ATR: variants seen among roughly 807,000 people sequenced by gnomAD.
ATR encodes serine/threonine-protein kinase ATR.
In ATR, 142 loss-of-function variants were observed where a neutral mutation model predicts 305.3. The ratio of observed to expected loss-of-function variants is 0.47; its 90% CI spans 0.41 to 0.53. The LOEUF (loss-of-function observed/expected upper bound fraction) is 0.53. ATR is among the 20% of genes least tolerant of loss of function. The pLI is 0.00. For synonymous variants in ATR, 1,050 were observed against 1,068.1 expected, an observed-to-expected ratio of 0.98 and a Z score of 0.33; for missense variants, 2,135 against 3,133.1, an observed-to-expected ratio of 0.68 and a Z score of 7.60.
At chr3:142,564,247 T>C (rs565225420) in intron 3 of ATR, among the ~76,000 whole-genome samples, 1 of 152,350 alleles carries the variant, frequency 6.6e-6, no homozygotes, top group Non-Finnish European at 1.5e-5. Flanking sequence ...TTTATTGCAA[T>C]ATTCACTTTA....
chr3:142,452,367 TCTAA>T, intron 46 of ATR: 3 of 987,362 alleles, frequency 3.0e-6, no homozygotes, highest in Non-Finnish European at 3.6e-6. Flanking sequence ...CTCAATCTAT[TCTAA>T]CTTATTAAAA....
Position 142,563,122 on chromosome 3 carries a change from C to T in ATR, c.293-13G>A. The T allele has an allele frequency of 6.3e-7, 1 of 1,593,428 alleles. No homozygotes were observed. Among genetic ancestry groups the T allele is most frequent in the East Asian group, 2.2e-5 (1 of 44,784 alleles). ...CAATTACTGAATTCTTTGAAATAAA[C>T]AAAAAAGATATTAAATAAACAAGTA... is the stretch of plus-strand genomic sequence containing the variant. On this transcript the variant is annotated splice_polypyrimidine_tract_variant and intron_variant, in intron 3 of 46. Transcript: ENST00000350721.
intron 16 of ATR, among the ~76,000 whole-genome samples, chr3:142,543,536 T>G (rs181209874): frequency 1.0e-4 from 15 of 144,972 alleles, no homozygotes; most frequent in African/African-American, 2.3e-4. Context: ...CCTCTTTTAC[T>G]TAAACAGGGT....
chr3:142,497,903 C>T (rs1427485727), intron 32 of ATR, among the ~76,000 whole-genome samples: 2 of 152,164 alleles, frequency 1.3e-5, no homozygotes, highest in East Asian at 1.9e-4. Context: ...CTAGCTTTTT[C>T]CCCCTTGTAT....
chr3:142,493,515 AG>A (rs1271198450), intron 34 of ATR, among the ~76,000 whole-genome samples: 3 of 152,194 alleles, frequency 2.0e-5, no homozygotes, highest in Admixed American at 1.3e-4. Flanking sequence ...TTATAACTGC[AG>A]TTGGCTCTCT....
intron 1 of ATR, among the ~76,000 whole-genome samples, chr3:142,576,165 T>G (rs2035431201): frequency 1.3e-5 from 2 of 152,192 alleles, no homozygotes; most frequent in African/African-American, 4.8e-5. Flanking sequence ...TTGTCAGAAC[T>G]AACTTATGGA....
intron 16 of ATR, among the ~76,000 whole-genome samples, chr3:142,543,558 TTCC>T (rs972445622): frequency 9.2e-5 from 14 of 151,674 alleles, no homozygotes; most frequent in African/African-American, 3.4e-4. Context: ...CCTTCCTTCC[TTCC>T]TCCCTCCCTC....
At chr3:142,508,421 A>G (rs538518574) in intron 27 of ATR, among the ~76,000 whole-genome samples, 41 of 152,308 alleles carry the variant, frequency 2.7e-4, no homozygotes, top group African/African-American at 9.6e-4. Context: ...ATATCAATCT[A>G]TTATTAAATT....
At chr3:142,571,038 A>T (rs2035241793) in intron 1 of ATR, among the ~76,000 whole-genome samples, 1 of 152,184 alleles carries the variant, frequency 6.6e-6, no homozygotes, top group Non-Finnish European at 1.5e-5. Context: ...CAGGAGGGTA[A>T]CTCTTTCATA....
chr3:142,550,882 G>T (rs2034447326), intron 13 of ATR, among the ~76,000 whole-genome samples: 1 of 151,970 alleles, frequency 6.6e-6, no homozygotes, highest in Non-Finnish European at 1.5e-5. Flanking sequence ...CCACCTCCTG[G>T]GTTCAGGCGA....
intron 19 of ATR, among the ~76,000 whole-genome samples, chr3:142,536,821 T>G (rs1310507408): frequency 6.6e-6 from 1 of 152,196 alleles, no homozygotes; most frequent in East Asian, 1.9e-4. Context: ...TACTAGGTTT[T>G]GGAGTGATTT....
At chr3:142,539,013 T>C (rs1392741000) in intron 18 of ATR, among the ~76,000 whole-genome samples, 3 of 152,176 alleles carry the variant, frequency 2.0e-5, no homozygotes, top group African/African-American at 7.2e-5. Flanking sequence ...AAATGTTTTA[T>C]ATAACTTTTA....
Position 142,498,706 on chromosome 3 carries a change from T to C in ATR, c.5449A>G (p.Thr1817Ala). 1 of 1,614,142 alleles carries C rather than the reference T, an allele frequency of 6.2e-7. No individual in the cohort carries two copies. Among genetic ancestry groups the C allele is most frequent in the Non-Finnish European group, 8.5e-7 (1 of 1,179,990 alleles). ...AGTTTCAGTGAGTCATAAAAAGCTG[T>C]GATATCTCTTTTTTTGGCTGATAAT... ...LLLSAKKRDITAFYDSLKLVR... is the reference protein window; with the variant it reads ...LLLSAKKRDIAAFYDSLKLVR... Residue 1817 changes from threonine to alanine, a missense_variant, in exon 32 of 47, where the codon ACA becomes GCA. Thr to Ala is a moderately conservative substitution (Grantham distance 58). Around this residue, in one of 9 missense-constraint regions of ATR, gnomAD observed 117 missense variants for 198.3 expected, o/e 0.59. Coordinates refer to ENST00000350721, the MANE Select transcript of ATR (RefSeq NM_001184.4).
At chr3:142,575,841 G>C (rs1341026105) in intron 1 of ATR, among the ~76,000 whole-genome samples, 3 of 152,210 alleles carry the variant, frequency 2.0e-5, no homozygotes, top group African/African-American at 7.2e-5. Context: ...AAGCAAAAGA[G>C]GGATAAAAGG....
chr3:142,502,476 G>A (rs562314247), intron 30 of ATR, among the ~76,000 whole-genome samples: 124 of 152,014 alleles, frequency 8.2e-4, no homozygotes, highest in South Asian at 1.7e-3. Flanking sequence ...GGGTGGGGGA[G>A]GGAGGGAGGC....
In ATR at chr3:142,558,732, T is replaced by C. The variant is rs2034773915; in HGVS notation, c.1777A>G (p.Met593Val). The change falls in exon 8 of 47, where the codon ATG becomes GTG. Residue 593 changes from methionine to valine, a missense_variant. Met to Val is a conservative substitution (Grantham distance 21). Coordinates refer to ENST00000350721, the MANE Select transcript of ATR (RefSeq NM_001184.4). ...EDHILEDLCG[M>V]LSLPWIYSHS... ...GAATAAATCCATGGAAGTGAGAGCA[T>C]ACCACATAAATCTTCCAGGATATGA... is the stretch of plus-strand genomic sequence containing the variant. 1.9e-6 allele frequency: 3 copies of C among 1,612,456 alleles called. No homozygotes were observed. The highest frequency in any genetic ancestry group is 2.5e-6 in the Non-Finnish European group (3 of 1,178,856).
chr3:142,456,665 C>A (rs900170540), intron 45 of ATR, among the ~76,000 whole-genome samples: 11 of 151,970 alleles, frequency 7.2e-5, no homozygotes, highest in Non-Finnish European at 1.2e-4. Flanking sequence ...AAATGGCCAA[C>A]AAAGACATGA....
chr3:142,540,788 C>G (rs1188306754), intron 18 of ATR, 116 bp downstream of exon 18: 1 of 1,248,498 alleles, frequency 8.0e-7, no homozygotes, highest in Non-Finnish European at 1.1e-6. Context: ...AATAAATAGT[C>G]TTTCTACCTT....
At chr3:142,460,334 TG>T (rs2070997810) in intron 42 of ATR, among the ~76,000 whole-genome samples, 1 of 152,198 alleles carries the variant, frequency 6.6e-6, no homozygotes, top group African/African-American at 2.4e-5. Flanking sequence ...TCTTGGTACC[TG>T]GGAATGTGAG....
Sources: allele counts gnomAD v4.1 joint callset (sites outside exome capture counted in the v4.1 genomes callset), GRCh38; gene constraint gnomAD v4.1.1; regional missense constraint gnomAD v4.1.1; transcripts MANE v1.5; gene names NCBI Gene and HGNC (gene_info 2026-07-23, HGNC 2026-07-21).